STON2: variants seen among roughly 807,000 people sequenced by gnomAD.
STON2 encodes the protein stonin-2.
Under a neutral mutation model 65.7 loss-of-function variants are expected in STON2, and 29 were observed. The ratio of observed to expected loss-of-function variants is 0.44; its 90% CI spans 0.33 to 0.60. STON2 has a LOEUF of 0.60. Among genes scored for constraint, STON2 ranks in the 20% least tolerant of loss-of-function variants. STON2 has a pLI of 0.03. For synonymous variants in STON2, 404 were observed against 414.2 expected (o/e 0.98, Z 0.30); for missense variants, 1,054 against 1,118.1 (o/e 0.94, Z 0.82).
chr14:81,311,811 G>A (rs1316029612), intron 5 of STON2, among the ~76,000 whole-genome samples: 1 of 152,188 alleles, frequency 6.6e-6, no homozygotes, highest in Non-Finnish European at 1.5e-5. Flanking sequence ...ACGAGTCAGG[G>A]GATATGAGAT....
At position 81,267,913 on chromosome 14, in the gene STON2, A is replaced by T. The variant is rs915370265; in HGVS notation, c.*501T>A. 1.0e-6 allele frequency: 1 copy of T among 985,554 alleles called. No homozygotes were observed. Among genetic ancestry groups the T allele is most frequent in the African/African-American group, 1.7e-5 (1 of 57,246 alleles). The allele number at this position is 985,554 out of a possible 1,614,324, so 61.1% of individuals were successfully genotyped here. ...CTCAAAAAGGTCTAGTAAGACCCAA[A>T]GAGGAAATTTGTTTTGCACCTTTTC... On this transcript the variant is annotated 3_prime_UTR_variant, in exon 8 of 8. Coordinates refer to ENST00000614646, the MANE Select transcript of STON2 (RefSeq NM_001394390.1).
At chr14:81,411,500 A>T (rs1901156492) in intron 2 of STON2, among the ~76,000 whole-genome samples, 1 of 152,248 alleles carries the variant, frequency 6.6e-6, no homozygotes, top group Non-Finnish European at 1.5e-5. Flanking sequence ...TGAGGTCAGG[A>T]GTTTGAGACC....
At chr14:81,329,805 G>T (rs369241322) in intron 4 of STON2, among the ~76,000 whole-genome samples, 2 of 152,164 alleles carry the variant, frequency 1.3e-5, no homozygotes, top group African/African-American at 4.8e-5. Flanking sequence ...CTAGACAGGA[G>T]AACCTGAGTC....
chr14:81,409,845 A>G (rs1276033775), intron 2 of STON2, among the ~76,000 whole-genome samples: 1 of 152,260 alleles, frequency 6.6e-6, no homozygotes, highest in Non-Finnish European at 1.5e-5. Context: ...GCCAATCACA[A>G]TAATTCCTAT....
In STON2 at chr14:81,277,990, T is replaced by C. The variant is rs754214215; in HGVS notation, c.1492A>G (p.Met498Val). ...ATCGGTCCCCAGTGCCTGGAGGACA[T>C]GATGTTTTTCTTCTCAGGGATCCTC... ...MLRIPEKKNI[M>V]SSRHWGPIFV... Residue 498 changes from methionine (M) to valine (V), a missense_variant, in exon 6 of 8, where the codon ATG (methionine) becomes GTG (valine). Met to Val is a conservative substitution (Grantham distance 21). Coordinates refer to ENST00000614646, the MANE Select transcript of STON2 (RefSeq NM_001394390.1). The C allele has an allele frequency of 9.3e-6, 15 of 1,614,056 alleles. No homozygotes were observed. The highest frequency in any genetic ancestry group is 6.7e-5 in the Admixed American group (4 of 59,996).
In STON2 at chr14:81,371,676, T is replaced by TCAAAAAAAAAAAAAAAAAAAAAAAAAA. The variant is rs58782661; in HGVS notation, c.374-492_374-491insTTTTTTTTTTTTTTTTTTTTTTTTTTG. ...ACAACAGAATGAATGAGACTGAGTC[T>TCAAAAAAAAAAAAAAAAAAAAAAAAAA]AAAAAAAAAAAAAAAGAAAAGAAAA... On this transcript the variant is annotated intron_variant, in intron 3 of 7. Coordinates refer to ENST00000614646, the MANE Select transcript of STON2 (RefSeq NM_001394390.1). Among the ~76,000 whole-genome samples the TCAAAAAAAAAAAAAAAAAAAAAAAAAA allele has an allele frequency of 7.2e-5, 7 of 97,678 alleles. 2 individuals carry two copies. The highest frequency in any genetic ancestry group is 1.3e-4 in the African/African-American group (3 of 22,302). The allele number at this position is 97,678 out of a possible 152,430, so 64.1% of individuals were successfully genotyped here.
chr14:81,321,370 T>TAAA (rs566882924), intron 5 of STON2, among the ~76,000 whole-genome samples: 2 of 126,720 alleles, frequency 1.6e-5, no homozygotes, highest in Admixed American at 8.1e-5. Context: ...GTTTCTACTT[T>TAAA]AAAAAAAAAA....
intron 3 of STON2, among the ~76,000 whole-genome samples, chr14:81,379,824 C>T (rs1301614563): frequency 6.6e-6 from 1 of 152,130 alleles, no homozygotes; most frequent in Non-Finnish European, 1.5e-5. Flanking sequence ...TCCTACCTCT[C>T]ACTATGTATA....
chr14:81,287,181 G>A (rs142479435), intron 5 of STON2, among the ~76,000 whole-genome samples: 11 of 152,264 alleles, frequency 7.2e-5, no homozygotes, highest in South Asian at 2.1e-4. Flanking sequence ...TCTAACGTGC[G>A]TAAAATATGC....
intron 4 of STON2, among the ~76,000 whole-genome samples, chr14:81,356,795 T>A (rs1037935514): frequency 5.9e-5 from 9 of 152,180 alleles, no homozygotes; most frequent in African/African-American, 1.7e-4. Context: ...TTTATTTGCG[T>A]AGAGGTGTTT....
chr14:81,315,393 C>T (rs114816995), intron 5 of STON2, among the ~76,000 whole-genome samples: 3 of 152,220 alleles, frequency 2.0e-5, no homozygotes, highest in Non-Finnish European at 4.4e-5. Context: ...GATTCTTAGC[C>T]CCTGCTTTGT....
intron 5 of STON2, among the ~76,000 whole-genome samples, chr14:81,309,087 T>TAA (rs1222111739): frequency 2.0e-5 from 1 of 50,064 alleles, no homozygotes. Context: ...CAAAATTCTA[T>TAA]AAAAAAAAAA....
intron 3 of STON2, among the ~76,000 whole-genome samples, chr14:81,383,731 C>T (rs1005968972): frequency 5.9e-5 from 9 of 152,162 alleles, no homozygotes; most frequent in Non-Finnish European, 1.0e-4. Context: ...CCTCTGTCCT[C>T]TCCTCCCAGT....
intron 3 of STON2, among the ~76,000 whole-genome samples, chr14:81,385,536 A>G (rs76353853): frequency 0.027 from 4,091 of 152,288 alleles, 196 homozygotes; most frequent in African/African-American, 0.093. Context: ...AAATAGCTGA[A>G]AAGAAGGGGA....
intron 3 of STON2, among the ~76,000 whole-genome samples, chr14:81,392,086 T>C (rs1297816679): frequency 6.6e-6 from 1 of 152,088 alleles, no homozygotes; most frequent in African/African-American, 2.4e-5. Flanking sequence ...AAAAACTCAG[T>C]AATCAAAGTA....
rs570778286 is a variant in STON2 at position 81,323,998 on chromosome 14, T to C, written c.742+19A>G. On this transcript the variant is annotated intron_variant, in intron 5 of 7. Transcript: ENST00000614646. ...GCAAATAAAATGAATGAAGCGTTCC[T>C]GCTGCGGGCAGCCCTTACCATTGGG... Among the ~76,000 whole-genome samples, 94 of 152,334 alleles carry C rather than the reference T, an allele frequency of 6.2e-4. 2 individuals are homozygous for C. The highest frequency in any genetic ancestry group is 6.8e-3 in the Middle Eastern group (2 of 294).
At position 81,262,720 on chromosome 14, in the gene STON2, A is replaced by C. The variant is rs1004027063; in HGVS notation, c.*5694T>G. 5 of 985,336 alleles carry C rather than the reference A, an allele frequency of 5.1e-6. No individual in the cohort carries two copies. In the East Asian group the frequency reaches 5.7e-4, roughly 112 times the overall value. The allele number at this position is 985,336 out of a possible 1,614,324, so 61.0% of individuals were successfully genotyped here. On this transcript the variant is annotated 3_prime_UTR_variant, in exon 8 of 8. Coordinates refer to ENST00000614646, the MANE Select transcript of STON2 (RefSeq NM_001394390.1). ...AGACACATTTTTTTTTCAATTCTCA[A>C]AACAACTAGACTCTTTCCAGCAGAT... is the stretch of plus-strand genomic sequence containing the variant.
Position 81,279,278 on chromosome 14 carries a change from T to A in STON2, c.743-539A>T, listed in dbSNP as rs562463531. Among the ~76,000 whole-genome samples, 4 of 152,252 alleles carry A rather than the reference T, an allele frequency of 2.6e-5. No homozygotes were observed. In the East Asian group the frequency reaches 7.7e-4, roughly 29 times the overall value. ...TCTTAATATTCAGTAGGTTCATACA[T>A]GTGAATAAGAAAAACACAAAAACCC... On this transcript the variant is annotated intron_variant, in intron 5 of 7. Transcript: ENST00000614646.
chr14:81,359,585 C>T (rs952201339), intron 4 of STON2, among the ~76,000 whole-genome samples: 11 of 151,732 alleles, frequency 7.2e-5, no homozygotes, highest in East Asian at 1.9e-4. Flanking sequence ...ATCAATGAAA[C>T]GAAGAGTTGG....
Sources: gnomAD v4.1 joint callset for allele counts (sites outside exome capture counted in the v4.1 genomes callset) on GRCh38, gnomAD v4.1.1 for gene constraint, MANE v1.5 for transcripts, NCBI Gene and HGNC (gene_info 2026-07-23, HGNC 2026-07-21) for gene names.